RBPMS: variants seen among roughly 807,000 people sequenced by gnomAD.
RBPMS encodes RNA-binding protein with multiple splicing.
A neutral mutation model predicts 26.8 loss-of-function variants in RBPMS; 7 were observed. The observed-to-expected ratio is 0.26, with a 90% CI of 0.15 to 0.49. The LOEUF (loss-of-function observed/expected upper bound fraction) is 0.49. RBPMS is among the 20% of genes least tolerant of loss of function. The pLI, the probability that RBPMS is intolerant of heterozygous loss-of-function variation, is 0.98. For synonymous variants in RBPMS, 96 were observed against 93.3 expected (o/e 1.03, Z -0.17); for missense variants, 186 against 250.0 (o/e 0.74, Z 1.73).
intron 5 of RBPMS, among the ~76,000 whole-genome samples, chr8:30,521,634 G>GTATCA (rs1823036584): frequency 6.6e-6 from 1 of 152,114 alleles, no homozygotes. Flanking sequence ...AATTATATGA[G>GTATCA]TATCATGTGG....
At chr8:30,431,413 TTTCTCTTCTCTC>T (rs1051416345) in intron 1 of RBPMS, among the ~76,000 whole-genome samples, 2 of 151,716 alleles carry the variant, frequency 1.3e-5, no homozygotes, top group African/African-American at 2.4e-5. Flanking sequence ...TTTCTTTCTT[TTTCTCTTCTCTC>T]TTCTCTTCTC....
intron 5 of RBPMS, among the ~76,000 whole-genome samples, chr8:30,525,654 T>C (rs376865836): frequency 1.8e-4 from 28 of 152,238 alleles, no homozygotes; most frequent in African/African-American, 6.8e-4. Flanking sequence ...CTCCTTTCAG[T>C]GAATCAGTAA....
At chr8:30,533,161 GCC>G in intron 5 of RBPMS, among the ~76,000 whole-genome samples, 1 of 152,300 alleles carries the variant, frequency 6.6e-6, no homozygotes, top group South Asian at 2.1e-4. Context: ...ACTGGAGACT[GCC>G]CAGTTATTCA....
At chr8:30,418,595 T>C (rs2915613) in intron 1 of RBPMS, among the ~76,000 whole-genome samples, 28,380 of 152,080 alleles carry the variant, frequency 0.19, 6,863 homozygotes, top group African/African-American at 0.56. Flanking sequence ...TTATTATTTT[T>C]CGAGGCAGGG....
intron 1 of RBPMS, among the ~76,000 whole-genome samples, chr8:30,411,932 A>G (rs1447967818): frequency 4.7e-5 from 7 of 150,262 alleles, no homozygotes; most frequent in Non-Finnish European, 1.0e-4. Context: ...GTTGCAGTGA[A>G]CCGAGATCGC....
chr8:30,549,693 C>T (rs1826140491), intron 6 of RBPMS: 2 of 749,736 alleles, frequency 2.7e-6, no homozygotes, highest in Non-Finnish European at 4.7e-6. Flanking sequence ...TGGGCTGGGT[C>T]TCCTTTCCTT....
intron 1 of RBPMS, among the ~76,000 whole-genome samples, chr8:30,429,181 C>T (rs979440080): frequency 3.3e-5 from 5 of 151,986 alleles, no homozygotes; most frequent in Admixed American, 3.3e-4. Flanking sequence ...AACTGAGGTC[C>T]CAAAATGTGG....
chr8:30,446,668 T>G (rs1195782674), intron 1 of RBPMS, among the ~76,000 whole-genome samples: 2 of 152,120 alleles, frequency 1.3e-5, no homozygotes, highest in East Asian at 3.9e-4. Flanking sequence ...TTTTGCTCCA[T>G]TGCCTAGGCT....
intron 5 of RBPMS, among the ~76,000 whole-genome samples, chr8:30,515,846 G>T (rs974942303): frequency 1.3e-5 from 2 of 151,998 alleles, no homozygotes; most frequent in Non-Finnish European, 2.9e-5. Context: ...TTGTAGAGAT[G>T]GGGCCTCGCT....
chr8:30,436,883 G>A (rs1220574994), intron 1 of RBPMS, among the ~76,000 whole-genome samples: 1 of 151,452 alleles, frequency 6.6e-6, no homozygotes, highest in African/African-American at 2.4e-5. Context: ...AATAAATATT[G>A]AACCTTTACG....
chr8:30,477,079 G>T (rs993534019), intron 2 of RBPMS, among the ~76,000 whole-genome samples: 2 of 152,152 alleles, frequency 1.3e-5, no homozygotes, highest in African/African-American at 2.4e-5. Flanking sequence ...TTTTGAGACG[G>T]AGTCTGGCTG....
chr8:30,434,343 G>T (rs1812227014), intron 1 of RBPMS, among the ~76,000 whole-genome samples: 1 of 152,044 alleles, frequency 6.6e-6, no homozygotes, highest in African/African-American at 2.4e-5. Context: ...ATGGGAGAGT[G>T]GGGGTAGGGG....
intron 3 of RBPMS, 51 bp downstream of exon 3, chr8:30,477,888 A>C (rs1187157466): frequency 8.1e-7 from 1 of 1,234,720 alleles, no homozygotes; most frequent in Admixed American, 1.8e-5. Context: ...TTTCCTCAGG[A>C]ATATTGCTGG....
At chr8:30,412,227 CTG>C (rs1391484509) in intron 1 of RBPMS, among the ~76,000 whole-genome samples, 4 of 152,166 alleles carry the variant, frequency 2.6e-5, no homozygotes, top group African/African-American at 7.2e-5. Context: ...TCACAGAACA[CTG>C]TGAGAATTAA....
chr8:30,528,356 CAG>C (rs1823831092), intron 5 of RBPMS, among the ~76,000 whole-genome samples: 1 of 151,934 alleles, frequency 6.6e-6, no homozygotes, highest in African/African-American at 2.4e-5. Flanking sequence ...TTTACTGGTA[CAG>C]AGACTGGAGA....
At chr8:30,496,148 A>C (rs1333943140) in intron 4 of RBPMS, among the ~76,000 whole-genome samples, 1 of 147,530 alleles carries the variant, frequency 6.8e-6, no homozygotes, top group Non-Finnish European at 1.5e-5. Context: ...GTCATATAAC[A>C]GCCTTCAGAT....
At chr8:30,390,153 G>GTT (rs1171147609) in intron 1 of RBPMS, among the ~76,000 whole-genome samples, 2 of 152,160 alleles carry the variant, frequency 1.3e-5, no homozygotes, top group Non-Finnish European at 2.9e-5. Flanking sequence ...GCCTTTCGGT[G>GTT]TTTAAGTTTT....
At chr8:30,442,244 G>C (rs984355355) in intron 1 of RBPMS, among the ~76,000 whole-genome samples, 5 of 152,184 alleles carry the variant, frequency 3.3e-5, no homozygotes, top group African/African-American at 1.2e-4. Flanking sequence ...TACTGTGCTA[G>C]ATGTTCCCTC....
At chr8:30,454,865 C>G (rs1055131398) in intron 1 of RBPMS, among the ~76,000 whole-genome samples, 1 of 152,124 alleles carries the variant, frequency 6.6e-6, no homozygotes, top group African/African-American at 2.4e-5. Context: ...CTCTGTTAGC[C>G]CAGGCTGGAG....
Sources: gnomAD v4.1 joint callset for allele counts (sites outside exome capture counted in the v4.1 genomes callset) on GRCh38, gnomAD v4.1.1 for gene constraint, MANE v1.5 for transcripts, NCBI Gene and HGNC (gene_info 2026-07-23, HGNC 2026-07-21) for gene names.